PLEKHA7: variants seen among roughly 807,000 people sequenced by gnomAD.
PLEKHA7 encodes the protein pleckstrin homology domain containing A7, also known as pleckstrin homology domain-containing family A member 7.
A neutral mutation model predicts 170.0 loss-of-function variants in PLEKHA7; 104 were observed. The observed-to-expected ratio is 0.61, with a 90% CI of 0.52 to 0.72. The LOEUF (loss-of-function observed/expected upper bound fraction) is 0.72. Ranked by LOEUF, PLEKHA7 falls within the 30% of genes least tolerant of loss-of-function variation. The pLI is 0.00. For synonymous variants in PLEKHA7, 648 were observed against 660.8 expected (o/e 0.98, Z 0.30); for missense variants, 1,615 against 1,671.7 (o/e 0.97, Z 0.59).
At chr11:16,890,221 G>A (rs1856522227) in intron 3 of PLEKHA7, among the ~76,000 whole-genome samples, 1 of 152,036 alleles carries the variant, frequency 6.6e-6, no homozygotes, top group East Asian at 1.9e-4. Flanking sequence ...AAACTCACAG[G>A]TCTTATAAAG....
intron 3 of PLEKHA7, among the ~76,000 whole-genome samples, chr11:16,922,958 T>C (rs921394615): frequency 2.0e-5 from 3 of 152,114 alleles, no homozygotes; most frequent in Non-Finnish European, 4.4e-5. Flanking sequence ...GCAAGACACA[T>C]GGGGAATTTC....
chr11:16,920,152 G>T (rs552433547), intron 3 of PLEKHA7, among the ~76,000 whole-genome samples: 2 of 152,330 alleles, frequency 1.3e-5, no homozygotes, highest in Admixed American at 1.3e-4. Context: ...CTGGCTATCA[G>T]AAATGTTTGT....
intron 3 of PLEKHA7, among the ~76,000 whole-genome samples, chr11:16,943,510 G>T (rs1860826521): frequency 6.6e-6 from 1 of 152,128 alleles, no homozygotes; most frequent in South Asian, 2.1e-4. Context: ...ACTTGCTGTT[G>T]AGCCAAAGCA....
chr11:16,980,384 T>C (rs1863352311), intron 3 of PLEKHA7, among the ~76,000 whole-genome samples: 1 of 152,100 alleles, frequency 6.6e-6, no homozygotes, highest in Non-Finnish European at 1.5e-5. Flanking sequence ...AGAGAGAGCC[T>C]GGCAAGTGGG....
intron 3 of PLEKHA7, among the ~76,000 whole-genome samples, chr11:16,956,454 TC>T (rs1321878723): frequency 6.6e-6 from 1 of 152,202 alleles, no homozygotes; most frequent in African/African-American, 2.4e-5. Context: ...GAAGTACCTT[TC>T]CCAAAGTCAC....
intron 3 of PLEKHA7, among the ~76,000 whole-genome samples, chr11:16,980,839 A>T (rs1000424818): frequency 3.0e-4 from 45 of 152,148 alleles, no homozygotes; most frequent in Non-Finnish European, 4.3e-4. Context: ...GTGAGCCAAG[A>T]TGGCACCACT....
chr11:16,880,286 GA>G (rs1855612476), intron 3 of PLEKHA7, among the ~76,000 whole-genome samples: 1 of 152,172 alleles, frequency 6.6e-6, no homozygotes, highest in Non-Finnish European at 1.5e-5. Flanking sequence ...ACACAAACTG[GA>G]ATTCAAATCC....
At chr11:16,795,924 C>T (rs1345077267) in intron 17 of PLEKHA7, among the ~76,000 whole-genome samples, 5 of 134,338 alleles carry the variant, frequency 3.7e-5, no homozygotes, top group East Asian at 2.4e-4. Flanking sequence ...GGCGCCATCT[C>T]GGCTCACTGC....
chr11:16,849,018 G>T lies in PLEKHA7; in HGVS notation c.696+2173C>A, dbSNP rs770706267. ...CTCAAATGAAAAGATAACTCTTTCA[G>T]ACTCACGGAACCATTGCCCTTTCTG... On this transcript the variant is annotated intron_variant, in intron 8 of 26. Transcript: ENST00000531066. 4.6e-5 allele frequency among the ~76,000 whole-genome samples: 7 copies of T among 152,154 alleles called. 1 individual carries two copies. Among genetic ancestry groups the T allele is most frequent in the Non-Finnish European group, 8.8e-5 (6 of 68,036 alleles).
At chr11:16,836,800 T>TG (rs1851544932) in intron 9 of PLEKHA7, among the ~76,000 whole-genome samples, 2 of 145,758 alleles carry the variant, frequency 1.4e-5, no homozygotes, top group Admixed American at 6.8e-5. Context: ...CCTGGGCTTT[T>TG]TTTTTTTGTT....
intron 10 of PLEKHA7, among the ~76,000 whole-genome samples, chr11:16,825,493 G>T (rs1018243195): frequency 1.3e-5 from 2 of 152,206 alleles, no homozygotes; most frequent in Non-Finnish European, 2.9e-5. Context: ...TGGCTTCTGG[G>T]GACAACGGGG....
intron 17 of PLEKHA7, among the ~76,000 whole-genome samples, chr11:16,798,534 C>T (rs915283242): frequency 3.3e-5 from 5 of 152,084 alleles, no homozygotes; most frequent in African/African-American, 4.8e-5. Flanking sequence ...ACAGTAAAGA[C>T]ACAAATGGCC....
chr11:16,972,525 C>T (rs1480771134), intron 3 of PLEKHA7, among the ~76,000 whole-genome samples: 1 of 152,178 alleles, frequency 6.6e-6, no homozygotes, highest in Non-Finnish European at 1.5e-5. Context: ...ATCTTCCTGC[C>T]TCGGCTTCTC....
chr11:16,786,217 G>A lies in PLEKHA7; in HGVS notation c.3516+12C>T. On this transcript the variant is annotated intron_variant, in intron 24 of 26. Transcript: ENST00000531066. ...GTCTCCTGGAGGACATGAAGGAAGT[G>A]CCTGCCCTCACCTCTCTGCTGATGT... The A allele has an allele frequency of 2.0e-6, 3 of 1,535,866 alleles. No individual in the cohort carries two copies. Among genetic ancestry groups the A allele is most frequent in the Middle Eastern group, 1.7e-4 (1 of 5,986 alleles).
intron 4 of PLEKHA7, among the ~76,000 whole-genome samples, chr11:16,868,736 T>C (rs1854593434): frequency 6.6e-6 from 1 of 152,118 alleles, no homozygotes; most frequent in South Asian, 2.1e-4. Flanking sequence ...AGATGGGATC[T>C]AGAGGAAAAA....
intron 3 of PLEKHA7, among the ~76,000 whole-genome samples, chr11:16,935,383 T>C (rs1255261331): frequency 5.3e-5 from 8 of 152,136 alleles, no homozygotes; most frequent in South Asian, 2.1e-4. Flanking sequence ...GATCGTGCCA[T>C]TGCACTCCAG....
At chr11:16,997,059 T>G (rs964985716) in intron 3 of PLEKHA7, among the ~76,000 whole-genome samples, 3 of 152,172 alleles carry the variant, frequency 2.0e-5, no homozygotes, top group Non-Finnish European at 4.4e-5. Context: ...TCACACAGCA[T>G]GGACTGATTT....
At position 16,807,581 on chromosome 11, in the gene PLEKHA7, GCTT is replaced by G. The variant is rs551086096; in HGVS notation, c.2008-4289_2008-4287del. On this transcript the variant is annotated intron_variant, in intron 13 of 26. Coordinates refer to ENST00000531066, the MANE Select transcript of PLEKHA7 (RefSeq NM_001329630.2). ...GGAGGAACATGATAGAAGGGAACTT[GCTT>G]CTTCTTTTGTCCTCCCTCATCACAT... 7.3e-4 allele frequency among the ~76,000 whole-genome samples: 111 copies of G among 152,278 alleles called. 3 individuals carry two copies. The South Asian group carries it at 0.022, about 30-fold the overall frequency.
chr11:16,958,848 AAAG>A (rs138195005), intron 3 of PLEKHA7, among the ~76,000 whole-genome samples: 49,272 of 151,794 alleles, frequency 0.32, 8,477 homozygotes, highest in Non-Finnish European at 0.39. Flanking sequence ...AACATACTGA[AAAG>A]AAGAAGAAAG....
Sources: gnomAD v4.1 joint callset for allele counts (sites outside exome capture counted in the v4.1 genomes callset) on GRCh38, gnomAD v4.1.1 for gene constraint, MANE v1.5 for transcripts, NCBI Gene and HGNC (gene_info 2026-07-23, HGNC 2026-07-21) for gene names.